Variants in SPRR1A observed in about 807,000 individuals in gnomAD.
SPRR1A encodes small proline rich protein 1A.
For synonymous variants in SPRR1A, 40 were observed against 39.2 expected (o/e 1.02, Z -0.07); for missense variants, 123 against 105.4 (o/e 1.17, Z -0.73).
upstream of SPRR1A, among the ~76,000 whole-genome samples, chr1:152,984,361 T>A (rs1368456009): frequency 6.6e-6 from 1 of 152,102 alleles, no homozygotes; most frequent in African/African-American, 2.4e-5. Flanking sequence ...AGAAGATTGT[T>A]CAAATGCCCA....
downstream of SPRR1A, among the ~76,000 whole-genome samples, chr1:152,985,735 G>A (rs1053714890): frequency 3.3e-5 from 5 of 152,116 alleles, no homozygotes; most frequent in South Asian, 4.2e-4. Flanking sequence ...CTTGTTGCTC[G>A]GGTGCATTTG....
chr1:152,985,347 G>T (rs1557884761), exon 1 of SPRR1A: 2 of 1,598,136 alleles, frequency 1.3e-6, no homozygotes, highest in Non-Finnish European at 1.7e-6. Flanking sequence ...AAACCAAGGA[G>T]CCCTGCCACC....
upstream of SPRR1A, chr1:152,985,152 G>A (rs1611761): frequency 2.3e-3 from 3,538 of 1,520,378 alleles, 91 homozygotes; most frequent in African/African-American, 0.043. Context: ...AATCTGTTTG[G>A]CATTGAATTT....
chr1:152,985,062 C>T (rs1652264965), upstream of SPRR1A, among the ~76,000 whole-genome samples: 1 of 152,058 alleles, frequency 6.6e-6, no homozygotes, highest in African/African-American at 2.4e-5. Context: ...TGAAAATTAT[C>T]CAAGCTTATT....
At chr1:152,985,789 C>T (rs1272033477), downstream of SPRR1A, among the ~76,000 whole-genome samples, 1 of 152,142 alleles carries the variant, frequency 6.6e-6, no homozygotes, top group Non-Finnish European at 1.5e-5. Context: ...CCCTAGTCTT[C>T]CTTCAATAAA....
upstream of SPRR1A, chr1:152,985,209 T>C (rs1165796900): frequency 1.3e-6 from 2 of 1,574,500 alleles, no homozygotes; most frequent in African/African-American, 1.4e-5. Flanking sequence ...TTTCTGTCTC[T>C]AGAAAAAAAC....
At chr1:152,984,437 CT>C (rs557875203), upstream of SPRR1A, among the ~76,000 whole-genome samples, 192 of 152,182 alleles carry the variant, frequency 1.3e-3, no homozygotes, top group African/African-American at 4.2e-3. Context: ...CAATTTCCCC[CT>C]GACAAGATAT....
upstream of SPRR1A, among the ~76,000 whole-genome samples, chr1:152,984,375 G>A (rs1334727119): frequency 6.6e-6 from 1 of 152,048 alleles, no homozygotes; most frequent in Admixed American, 6.6e-5. Context: ...ATGCCCATGG[G>A]AAGTTCATAG....
chr1:152,985,319 A>G (rs1652275655), exon 1 of SPRR1A: 1 of 1,613,544 alleles, frequency 6.2e-7, no homozygotes, highest in Admixed American at 1.7e-5. Context: ...CCTCCACCCC[A>G]GGAACCATGC....
chr1:152,985,315 C>A, exon 1 of SPRR1A: 2 of 1,613,930 alleles, frequency 1.2e-6, no homozygotes, highest in Non-Finnish European at 1.7e-6. Flanking sequence ...CCAGCCTCCA[C>A]CCCAGGAACC....
chr1:152,985,513 C>A, downstream of SPRR1A: 2 of 1,606,454 alleles, frequency 1.2e-6, no homozygotes, highest in South Asian at 2.2e-5. Context: ...TGGTCCACAG[C>A]CATGCCCTTG....
chr1:152,985,097 T>C (rs1611760), upstream of SPRR1A: 705,120 of 1,271,586 alleles, frequency 0.55, 197,894 homozygotes, highest in African/African-American at 0.7. Context: ...AATGGGGGAG[T>C]TAAGGGAGAT....
chr1:152,985,102 G>A, upstream of SPRR1A: 2 of 1,299,870 alleles, frequency 1.5e-6, no homozygotes, highest in South Asian at 1.5e-5. Flanking sequence ...GGGAGTTAAG[G>A]GAGATGAAAG....
exon 1 of SPRR1A, chr1:152,985,259 G>T (rs532159644): frequency 6.2e-7 from 1 of 1,612,940 alleles, no homozygotes; most frequent in Non-Finnish European, 8.5e-7. Context: ...AAGCAGCCTT[G>T]CACCCCACCC....
upstream of SPRR1A, chr1:152,985,096 G>C (rs533371694): frequency 8.7e-6 from 11 of 1,264,566 alleles, no homozygotes; most frequent in African/African-American, 1.2e-4. Flanking sequence ...TAATGGGGGA[G>C]TTAAGGGAGA....
chr1:152,984,118 T>C (rs920918733), upstream of SPRR1A, among the ~76,000 whole-genome samples: 2 of 152,182 alleles, frequency 1.3e-5, no homozygotes, highest in Non-Finnish European at 2.9e-5. Flanking sequence ...TTCTGCTCCG[T>C]ATACCAGGTA....
upstream of SPRR1A, among the ~76,000 whole-genome samples, chr1:152,984,705 A>T (rs1266312536): frequency 6.6e-6 from 1 of 151,984 alleles, no homozygotes; most frequent in Non-Finnish European, 1.5e-5. Context: ...GTGTCAAGTG[A>T]TGTGAGCTAT....
upstream of SPRR1A, among the ~76,000 whole-genome samples, chr1:152,984,430 T>G (rs909701852): frequency 1.3e-5 from 2 of 152,044 alleles, no homozygotes; most frequent in African/African-American, 4.8e-5. Flanking sequence ...AACACTGCAA[T>G]TTCCCCCTGA....
At chr1:152,984,381 C>T (rs573315188), upstream of SPRR1A, among the ~76,000 whole-genome samples, 1 of 152,204 alleles carries the variant, frequency 6.6e-6, no homozygotes, top group Admixed American at 6.5e-5. Flanking sequence ...ATGGGAAGTT[C>T]ATAGCAGAAC....
Sources: gnomAD v4.1 joint callset for allele counts (sites outside exome capture counted in the v4.1 genomes callset) on GRCh38, gnomAD v4.1.1 for gene constraint, MANE v1.5 for transcripts, NCBI Gene and HGNC (gene_info 2026-07-23, HGNC 2026-07-21) for gene names.